DRAXIN: variants seen among roughly 807,000 people sequenced by gnomAD.
DRAXIN encodes dorsal repulsive axon guidance protein.
In DRAXIN, 27 loss-of-function variants were observed where a neutral mutation model predicts 33.9. The ratio of observed to expected loss-of-function variants is 0.80; its 90% CI spans 0.59 to 1.10. The LOEUF is 1.10. Among genes scored for constraint, DRAXIN ranks in the 50% least tolerant of loss-of-function variants. The pLI, the probability that DRAXIN is intolerant of heterozygous loss-of-function variation, is 0.00. For synonymous variants in DRAXIN, 178 were observed against 194.0 expected (o/e 0.92, Z 0.69); for missense variants, 371 against 460.8 (o/e 0.81, Z 1.78).
chr1:11,716,454 C>G (rs533784683), intron 6 of DRAXIN, among the ~76,000 whole-genome samples: 1 of 152,294 alleles, frequency 6.6e-6, no homozygotes, highest in South Asian at 2.1e-4. Flanking sequence ...CATCCAATAT[C>G]AAATCAGCAT....
In DRAXIN at chr1:11,706,612, C is replaced by T. The variant is rs755682648; in HGVS notation, c.354C>T (p.Pro118=). The change falls in exon 2 of 7, where the codon CCC becomes CCT. Residue 118 remains proline (P), a synonymous_variant. Transcript: ENST00000294485. This position sits in a 1 kb window ranked among gnomAD's most constrained non-coding sequence, Gnocchi z 5.5. ...ACCTGCTCCTGGGACTGGCATTGCC[C>T]TACCCCGAGAAGGAGAACCGACCTC... ...DKDLLLGLAL[P]YPEKENRPPG... is the part of the protein sequence containing the mutation. 4 of 1,602,918 alleles carry T rather than the reference C, an allele frequency of 2.5e-6. No homozygotes were observed. Among genetic ancestry groups the T allele is most frequent in the Non-Finnish European group, 3.4e-6 (4 of 1,179,508 alleles).
chr1:11,715,012 C>A, intron 5 of DRAXIN, 107 bp from the exon 6 acceptor site: 3 of 1,346,310 alleles, frequency 2.2e-6, no homozygotes, highest in Non-Finnish European at 3.2e-6. Context: ...CGCCAGGGCG[C>A]GGCCTGCCAC....
chr1:11,689,210 G>A (rs759873068), upstream of DRAXIN, among the ~76,000 whole-genome samples: 1 of 147,052 alleles, frequency 6.8e-6, no homozygotes, highest in African/African-American at 2.5e-5. Flanking sequence ...GGCATGAATC[G>A]CTTGAACCTG....
intron 6 of DRAXIN, 118 bp from the exon 7 acceptor site, chr1:11,719,466 G>A: frequency 1.2e-6 from 1 of 860,690 alleles, no homozygotes; most frequent in Non-Finnish European, 1.8e-6. Flanking sequence ...AGGAAGCTGG[G>A]TTGTAGGGCA....
chr1:11,711,118 C>A (rs183293668), intron 3 of DRAXIN, among the ~76,000 whole-genome samples: 159 of 152,254 alleles, frequency 1.0e-3, no homozygotes, highest in African/African-American at 3.6e-3. Flanking sequence ...ATGGTGAAAC[C>A]CCGTCTCTAC....
rs1006290154 is a variant in DRAXIN at position 11,704,991 on chromosome 1, T to C, written c.-10-1258T>C. On this transcript the variant is annotated intron_variant, in intron 1 of 6. Transcript: ENST00000294485. This position sits in a 1 kb window ranked among gnomAD's most constrained non-coding sequence, Gnocchi z 4.6. Reference sequence around the variant, plus strand: ...CGAGGGCACAGCAGTTTCCCTGCCCTACCACCCTCCCTCGGGGTCGGGGCT... The same window carrying C: ...CGAGGGCACAGCAGTTTCCCTGCCCCACCACCCTCCCTCGGGGTCGGGGCT... Among the ~76,000 whole-genome samples, 2 of 152,140 alleles carry C rather than the reference T, an allele frequency of 1.3e-5. No homozygotes were observed. Among genetic ancestry groups the C allele is most frequent in the African/African-American group, 4.8e-5 (2 of 41,460 alleles).
At chr1:11,711,749 G>A in intron 3 of DRAXIN, 102 bp from the exon 4 acceptor site, 2 of 1,037,776 alleles carry the variant, frequency 1.9e-6, no homozygotes, top group African/African-American at 1.6e-5. Context: ...AGGATAAGGT[G>A]GCCTCTGAGA....
In DRAXIN at chr1:11,711,836, C is replaced by T; in HGVS notation, c.643-15C>T. 1 of 1,605,342 alleles carries T rather than the reference C, an allele frequency of 6.2e-7. No individual in the cohort carries two copies. Among genetic ancestry groups the T allele is most frequent in the Non-Finnish European group, 8.5e-7 (1 of 1,174,886 alleles). ...ATTTGAAGGTTCCAACATCCCCCTTCTCCACGGTCTCCAGCAGGCACAGCC... is the reference window on the plus strand; with the variant it reads ...ATTTGAAGGTTCCAACATCCCCCTTTTCCACGGTCTCCAGCAGGCACAGCC... On this transcript the variant is annotated splice_polypyrimidine_tract_variant and intron_variant, in intron 3 of 6. Transcript: ENST00000294485.
At chr1:11,698,948 T>G (rs947528617) in intron 1 of DRAXIN, among the ~76,000 whole-genome samples, 3 of 152,224 alleles carry the variant, frequency 2.0e-5, no homozygotes, top group Non-Finnish European at 2.9e-5. Flanking sequence ...CTCCTGAATC[T>G]GGGGATACAA....
intron 1 of DRAXIN, among the ~76,000 whole-genome samples, chr1:11,695,295 C>T (rs1392582213): frequency 6.6e-6 from 1 of 152,120 alleles, no homozygotes; most frequent in African/African-American, 2.4e-5. Context: ...TTATCCACTT[C>T]AGGCCAGGTG....
At chr1:11,697,340 T>G (rs1297056759) in intron 1 of DRAXIN, among the ~76,000 whole-genome samples, 1 of 152,262 alleles carries the variant, frequency 6.6e-6, no homozygotes, top group East Asian at 1.9e-4. Context: ...ACTGTGTCTT[T>G]GCTGGCAGAT....
rs1313281915 is a variant in DRAXIN, at chr1:11,696,204, C to T, written c.-11+4351C>T. 6.6e-6 allele frequency among the ~76,000 whole-genome samples: 1 copy of T among 152,212 alleles called. No homozygotes were observed. The highest frequency in any genetic ancestry group is 2.4e-5 in the African/African-American group (1 of 41,454). On this transcript the variant is annotated intron_variant, in intron 1 of 6. Coordinates refer to ENST00000294485, the MANE Select transcript of DRAXIN (RefSeq NM_198545.4). The surrounding 1 kb of genome is among the most constrained non-coding windows in gnomAD (Gnocchi z 4.7). ...GAAACTCCCTGGCCCCCACCACACCCATGCCTGCCACCTTACTCCCTCTGT... is the reference window on the plus strand; with the variant it reads ...GAAACTCCCTGGCCCCCACCACACCTATGCCTGCCACCTTACTCCCTCTGT...
intron 6 of DRAXIN, among the ~76,000 whole-genome samples, chr1:11,717,028 T>G (rs548949418): frequency 6.6e-6 from 1 of 152,362 alleles, no homozygotes; most frequent in Non-Finnish European, 1.5e-5. Context: ...CTCATGCCTG[T>G]AATCCTAGCA....
At chr1:11,687,532 G>A (rs976824666), upstream of DRAXIN, among the ~76,000 whole-genome samples, 6 of 152,114 alleles carry the variant, frequency 3.9e-5, no homozygotes, top group African/African-American at 1.4e-4. The surrounding 1 kb of genome is among the most constrained non-coding windows in gnomAD (Gnocchi z 4.1). Context: ...GAGCCACCAC[G>A]CCCAGACTAA....
upstream of DRAXIN, among the ~76,000 whole-genome samples, chr1:11,689,779 C>G (rs1483830202): frequency 2.0e-5 from 3 of 152,106 alleles, no homozygotes; most frequent in Non-Finnish European, 4.4e-5. Flanking sequence ...TGGACTCGCC[C>G]TGAATTATTT....
chr1:11,710,419 C>T (rs2100739911), intron 3 of DRAXIN, among the ~76,000 whole-genome samples: 1 of 151,906 alleles, frequency 6.6e-6, no homozygotes, highest in South Asian at 2.1e-4. Flanking sequence ...CGCTTGAACC[C>T]AGGAGGTCAG....
At chr1:11,708,108 T>A (rs529998335) in intron 2 of DRAXIN, among the ~76,000 whole-genome samples, 37 of 152,186 alleles carry the variant, frequency 2.4e-4, no homozygotes, top group African/African-American at 7.9e-4. Flanking sequence ...ACTCCTGGAG[T>A]TACCTGTGTC....
At chr1:11,709,128 T>C (rs1461553321) in intron 2 of DRAXIN, 147 bp from the exon 3 acceptor site, 3 of 791,036 alleles carry the variant, frequency 3.8e-6, no homozygotes, top group Non-Finnish European at 5.6e-6. Context: ...CCAAGAAGGG[T>C]AGGAAGCAGG....
At chr1:11,689,249 T>C (rs945826102), upstream of DRAXIN, among the ~76,000 whole-genome samples, 4 of 137,456 alleles carry the variant, frequency 2.9e-5, no homozygotes, top group African/African-American at 1.1e-4. Context: ...GAGCCGAGAC[T>C]GTGCCACTAT....
Sources: allele counts gnomAD v4.1 joint callset (sites outside exome capture counted in the v4.1 genomes callset), GRCh38; gene constraint gnomAD v4.1.1; non-coding constraint Gnocchi (gnomAD v3.1); transcripts MANE v1.5; gene names NCBI Gene and HGNC (gene_info 2026-07-23, HGNC 2026-07-21).